Variants in SETBP1 observed in about 807,000 individuals in gnomAD.
SETBP1 encodes the protein SET binding protein 1.
In SETBP1, 9 loss-of-function variants were observed where a neutral mutation model predicts 101.0. The ratio of observed to expected loss-of-function variants is 0.09; its 90% CI spans 0.05 to 0.16. The LOEUF is 0.16. Among genes scored for constraint, SETBP1 ranks in the 10% least tolerant of loss-of-function variants. The pLI is 1.00. For missense variants in SETBP1, 1,858 were observed against 2,033.8 expected, an observed-to-expected ratio of 0.91 and a Z score of 1.66; for synonymous variants, 818 against 788.5, an observed-to-expected ratio of 1.04 and a Z score of -0.63.
At chr18:44,820,073 G>A (rs1048956734) in intron 2 of SETBP1, among the ~76,000 whole-genome samples, 1 of 152,226 alleles carries the variant, frequency 6.6e-6, no homozygotes, top group African/African-American at 2.4e-5. Context: ...CTGGTTATGA[G>A]GAGTGGCAGC....
At chr18:45,013,137 G>C (rs866654374) in intron 4 of SETBP1, among the ~76,000 whole-genome samples, 1 of 152,248 alleles carries the variant, frequency 6.6e-6, no homozygotes, top group South Asian at 2.1e-4. Context: ...GCACAGTAGA[G>C]AGCAGGATGC....
rs148851173 is a variant in SETBP1, at chr18:44,731,737, T to C, written c.486+29905T>C. ...GACTGCAATTAAACAGACATTGGTC[T>C]AGTTCCTGTTTCTGCCACCCGACAA... On this transcript the variant is annotated intron_variant, in intron 2 of 5. Coordinates refer to ENST00000649279, the MANE Select transcript of SETBP1 (RefSeq NM_015559.3). 6.3e-3 allele frequency among the ~76,000 whole-genome samples: 955 copies of C among 152,302 alleles called. 2 individuals are homozygous for C. The highest frequency in any genetic ancestry group is 9.5e-3 in the Admixed American group (146 of 15,300).
At chr18:45,023,604 G>T (rs867255504) in intron 4 of SETBP1, among the ~76,000 whole-genome samples, 48 of 152,286 alleles carry the variant, frequency 3.2e-4, no homozygotes, top group Admixed American at 7.9e-4. Flanking sequence ...TGGCTTATTG[G>T]GGTTCCAGCG....
chr18:44,709,254 C>A (rs2069288929), intron 2 of SETBP1, among the ~76,000 whole-genome samples: 1 of 152,136 alleles, frequency 6.6e-6, no homozygotes, highest in Non-Finnish European at 1.5e-5. Flanking sequence ...ATGCATCTGG[C>A]AGAGTAACCA....
chr18:45,068,328 G>C lies in SETBP1; in HGVS notation c.*4630G>C, dbSNP rs1444560973. On this transcript the variant is annotated 3_prime_UTR_variant, in exon 6 of 6. Transcript: ENST00000649279. ...CGTAGATACATCTAGCATGCTTACT[G>C]TCATGCTCCTCCATGGTCTTAGATG... is the stretch of plus-strand genomic sequence containing the variant. The C allele has an allele frequency of 6.6e-6, 1 of 151,914 alleles. No homozygotes were observed. Among genetic ancestry groups the C allele is most frequent in the Non-Finnish European group, 1.5e-5 (1 of 68,004 alleles). 9.4% of individuals were successfully genotyped at this position (151,914 alleles called of 1,614,324 possible). A position where few individuals can be genotyped will look rare whatever the true frequency, so the allele number is the denominator to read the frequency against.
At chr18:44,765,307 A>G (rs1216252087) in intron 2 of SETBP1, among the ~76,000 whole-genome samples, 2 of 152,056 alleles carry the variant, frequency 1.3e-5, no homozygotes, top group African/African-American at 4.8e-5. Context: ...TGCAGAAGGA[A>G]AGAAGTTTTC....
rs190373912 is a variant in SETBP1 at position 44,940,905 on chromosome 18, C to T, written c.541-8976C>T. ...TTACATATCTTGTAATTCAGGTCTG[C>T]GAGAAATGAATTCCCTCGGTTTTTA... On this transcript the variant is annotated intron_variant, in intron 3 of 5. Transcript: ENST00000649279. Among the ~76,000 whole-genome samples, 308 of 152,050 alleles carry T rather than the reference C, an allele frequency of 2.0e-3. 1 individual carries two copies. Among genetic ancestry groups the T allele is most frequent in the African/African-American group, 6.9e-3 (287 of 41,484 alleles).
chr18:44,972,306 G>A (rs1396185674), intron 4 of SETBP1, among the ~76,000 whole-genome samples: 2 of 152,164 alleles, frequency 1.3e-5, no homozygotes, highest in African/African-American at 4.8e-5. Context: ...AAGTCAGGTA[G>A]TGTGATGCCT....
At chr18:44,972,672 CTGTT>C (rs1172079352) in intron 4 of SETBP1, among the ~76,000 whole-genome samples, 7 of 152,266 alleles carry the variant, frequency 4.6e-5, no homozygotes, top group East Asian at 3.9e-4. Flanking sequence ...ATTTGGCTCT[CTGTT>C]TGTCTGTTAT....
intron 4 of SETBP1, among the ~76,000 whole-genome samples, chr18:45,027,996 T>C (rs2073204167): frequency 6.6e-6 from 1 of 152,058 alleles, no homozygotes; most frequent in Non-Finnish European, 1.5e-5. Context: ...GTTTCTTTTT[T>C]CTTTTTATTT....
At chr18:44,805,405 AGTGTGTGTGT>A (rs4024593) in intron 2 of SETBP1, among the ~76,000 whole-genome samples, 385 of 144,736 alleles carry the variant, frequency 2.7e-3, no homozygotes, top group African/African-American at 9.2e-3. Flanking sequence ...TGCACATGTA[AGTGTGTGTGT>A]GTGTGTGTGT....
intron 3 of SETBP1, chr18:44,877,406 G>T: frequency 2.0e-6 from 2 of 979,156 alleles, no homozygotes; most frequent in Non-Finnish European, 2.4e-6. Context: ...TAAAAGAGTA[G>T]GATTTGGACT....
intron 5 of SETBP1, among the ~76,000 whole-genome samples, chr18:45,054,560 T>C (rs1010996870): frequency 1.3e-5 from 2 of 152,224 alleles, no homozygotes; most frequent in African/African-American, 4.8e-5. Context: ...TGTTCATCCA[T>C]GGTGGGCAAC....
intron 2 of SETBP1, among the ~76,000 whole-genome samples, chr18:44,829,056 A>T (rs2072301331): frequency 6.6e-6 from 1 of 152,252 alleles, no homozygotes; most frequent in Non-Finnish European, 1.5e-5. Flanking sequence ...CATCTACCAG[A>T]TAAATGGAAA....
At chr18:44,983,216 G>A (rs1233942397) in intron 4 of SETBP1, among the ~76,000 whole-genome samples, 1 of 152,156 alleles carries the variant, frequency 6.6e-6, no homozygotes, top group Non-Finnish European at 1.5e-5. Context: ...TCTTCAAGCA[G>A]ACAGATTTTG....
intron 2 of SETBP1, among the ~76,000 whole-genome samples, chr18:44,778,952 G>A (rs1229975010): frequency 6.6e-6 from 1 of 152,246 alleles, no homozygotes; most frequent in Non-Finnish European, 1.5e-5. Flanking sequence ...GAGCAGCCGG[G>A]TGGAAGGAGA....
intron 3 of SETBP1, chr18:44,877,354 G>A (rs1376551252): frequency 2.1e-6 from 2 of 963,820 alleles, no homozygotes; most frequent in African/African-American, 1.8e-5. Context: ...CGTTTGATAA[G>A]CTCTGTTCTA....
chr18:44,932,875 T>C (rs1021788376), intron 3 of SETBP1, among the ~76,000 whole-genome samples: 3 of 152,212 alleles, frequency 2.0e-5, no homozygotes, highest in Admixed American at 2.0e-4. Context: ...TTAGCTTCTT[T>C]GCATTGGGTT....
intron 2 of SETBP1, among the ~76,000 whole-genome samples, chr18:44,716,340 CA>C (rs199903373): frequency 1.3e-5 from 2 of 151,452 alleles, no homozygotes; most frequent in Non-Finnish European, 1.5e-5. Flanking sequence ...CAAAACAAAA[CA>C]AAAAAAATAG....
Sources: allele counts gnomAD v4.1 joint callset (sites outside exome capture counted in the v4.1 genomes callset), GRCh38; gene constraint gnomAD v4.1.1; transcripts MANE v1.5; gene names NCBI Gene and HGNC (gene_info 2026-07-23, HGNC 2026-07-21).